The following TNC variants were observed in gnomAD, a reference collection of about 807,000 sequenced individuals.
TNC encodes tenascin C.
In TNC, 109 loss-of-function variants were observed where a neutral mutation model predicts 202.4. That is an observed-to-expected ratio of 0.54 (90% CI 0.46 to 0.63). The LOEUF is 0.63. TNC is among the 30% of genes least tolerant of loss of function. The pLI, the probability that TNC is intolerant of heterozygous loss-of-function variation, is 0.00. For synonymous variants in TNC, 1,007 were observed against 1,089.7 expected, an observed-to-expected ratio of 0.92 and a Z score of 1.50; for missense variants, 2,756 against 2,833.3, an observed-to-expected ratio of 0.97 and a Z score of 0.62.
chr9:115,111,354 A>G (rs891192646), intron 1 of TNC, among the ~76,000 whole-genome samples: 1 of 148,566 alleles, frequency 6.7e-6, no homozygotes, highest in Non-Finnish European at 1.5e-5. Context: ...TAGGTTACAC[A>G]GGATTGTGAT....
chr9:115,027,951 C>T (rs1829640389), intron 25 of TNC, among the ~76,000 whole-genome samples: 1 of 152,096 alleles, frequency 6.6e-6, no homozygotes, highest in African/African-American at 2.4e-5. Context: ...GACAAAAACC[C>T]CTTAACTGAG....
chr9:115,062,542 G>A (rs899728576), intron 13 of TNC, among the ~76,000 whole-genome samples: 28 of 151,138 alleles, frequency 1.9e-4, no homozygotes, highest in African/African-American at 5.6e-4. Flanking sequence ...CTAGGAGTTC[G>A]AGGCTGCAGT....
chr9:115,091,123 G>A lies in TNC; in HGVS notation c.-105C>T. The stretch of plus-strand genomic sequence containing the variant: ...GAAGCACAGAGTAGACTTCAAATCA[G>A]TTGTCCCTGATCTTCTTGAAAGAAT... On this transcript the variant is annotated 5_prime_UTR_variant, in exon 2 of 28. Transcript: ENST00000350763. 1 of 860,098 alleles carries A rather than the reference G, an allele frequency of 1.2e-6. No individual in the cohort carries two copies. Among genetic ancestry groups the A allele is most frequent in the Non-Finnish European group, 1.8e-6 (1 of 564,416 alleles). 53.3% of individuals were successfully genotyped at this position (860,098 alleles called of 1,614,324 possible). A position where few individuals can be genotyped will look rare whatever the true frequency, so the allele number is the denominator to read the frequency against.
chr9:115,058,270 G>C (rs1537011), intron 14 of TNC, among the ~76,000 whole-genome samples: 20,749 of 152,180 alleles, frequency 0.14, 1,505 homozygotes, highest in Middle Eastern at 0.21. Flanking sequence ...AGCTAGTACT[G>C]TCTCTTTAGC....
chr9:115,022,568 G>A (rs573560739), intron 27 of TNC, among the ~76,000 whole-genome samples: 12 of 151,830 alleles, frequency 7.9e-5, no homozygotes, highest in Admixed American at 7.2e-4. Flanking sequence ...CATGTAGCTT[G>A]TTGGTTTTTT....
intron 15 of TNC, among the ~76,000 whole-genome samples, chr9:115,055,091 C>T (rs771454493): frequency 5.9e-5 from 9 of 151,858 alleles, no homozygotes. Context: ...ATGGCATGCA[C>T]ATACCTCTTT....
At chr9:115,027,362 G>A (rs1428174705) in intron 25 of TNC, among the ~76,000 whole-genome samples, 1 of 151,694 alleles carries the variant, frequency 6.6e-6, no homozygotes, top group Non-Finnish European at 1.5e-5. Flanking sequence ...GGCCAAGGTG[G>A]GCGGATCATC....
At chr9:115,107,497 T>G (rs1836708898) in intron 1 of TNC, among the ~76,000 whole-genome samples, 1 of 152,204 alleles carries the variant, frequency 6.6e-6, no homozygotes, top group Admixed American at 6.5e-5. Flanking sequence ...TTATATACAT[T>G]TTTATGCCAA....
chr9:115,087,088 C>G lies in TNC; in HGVS notation c.643G>C (p.Asp215His), dbSNP rs1254839236. The change falls in exon 3 of 28, where the codon GAC (aspartate) becomes CAC (histidine). Residue 215 changes from aspartate (D) to histidine (H), a missense_variant. Around this residue, in one of 2 missense-constraint regions of TNC, gnomAD observed 2,559 missense variants for 2,546.0 expected, o/e 1.01. Coordinates refer to ENST00000350763, the MANE Select transcript of TNC (RefSeq NM_002160.4). ...CICDDGFTGE[D>H]CSQLACPSDC... ...CTGGGGCAAGCCAGCTGGCTGCAGT[C>G]CTCGCCCGTGAAGCCGTCGTCACAG... 3 of 1,614,112 alleles carry G rather than the reference C, an allele frequency of 1.9e-6. No individual in the cohort carries two copies. The highest frequency in any genetic ancestry group is 2.5e-6 in the Non-Finnish European group (3 of 1,180,052).
intron 1 of TNC, among the ~76,000 whole-genome samples, chr9:115,094,972 A>C (rs1334073414): frequency 6.6e-6 from 1 of 152,114 alleles, no homozygotes; most frequent in East Asian, 1.9e-4. Flanking sequence ...ATTGGTACCC[A>C]ATAGAAAGGT....
At chr9:115,026,117 A>T (rs756302558) in intron 26 of TNC, among the ~76,000 whole-genome samples, 4 of 152,228 alleles carry the variant, frequency 2.6e-5, no homozygotes, top group African/African-American at 4.8e-5. Flanking sequence ...CATCCCAGAC[A>T]ACCTGTGTCA....
chr9:115,075,567 A>T (rs549379815), intron 9 of TNC, among the ~76,000 whole-genome samples: 2 of 152,270 alleles, frequency 1.3e-5, no homozygotes, highest in East Asian at 3.9e-4. Flanking sequence ...TGGGCGGATC[A>T]TGAGGTCAAG....
At chr9:115,044,217 A>C (rs1013600643) in intron 17 of TNC, among the ~76,000 whole-genome samples, 4 of 151,480 alleles carry the variant, frequency 2.6e-5, no homozygotes, top group African/African-American at 7.3e-5. Context: ...TACAGAGAAG[A>C]GTTTACAATG....
rs1400698911 is a variant in TNC at position 115,022,252 on chromosome 9, T to C, written c.6496-985A>G. 2.0e-5 allele frequency among the ~76,000 whole-genome samples: 3 copies of C among 152,392 alleles called. No homozygotes were observed. The East Asian group carries it at 5.8e-4, about 29-fold the overall frequency. ...CAGGGATGTGAGGTTTAAGAATGGC[T>C]CATTCATTTCATGGGCAAATCCGCT... On this transcript the variant is annotated intron_variant, in intron 27 of 27. Transcript: ENST00000350763.
intron 1 of TNC, among the ~76,000 whole-genome samples, chr9:115,097,163 C>A (rs997862542): frequency 1.3e-5 from 2 of 152,108 alleles, no homozygotes; most frequent in Non-Finnish European, 1.5e-5. Flanking sequence ...AACCTGTGTT[C>A]GAATCCAGTT....
chr9:115,100,170 C>T (rs1018902305), intron 1 of TNC, among the ~76,000 whole-genome samples: 3 of 152,178 alleles, frequency 2.0e-5, no homozygotes, highest in Non-Finnish European at 2.9e-5. Context: ...TAACGGGAAA[C>T]ATTTGGCCCA....
chr9:115,057,274 G>A lies in TNC; in HGVS notation c.4458C>T (p.Ile1486=), dbSNP rs1028565421. ...TATGGGCAGTTCGTTCAGCACCAGA[G>A]ATATTATATTCCACAGTCTCCAGCA... The part of the protein sequence containing the change: ...NRLLETVEYN[I]SGAERTAHIS... The change falls in exon 15 of 28, where the codon ATC becomes ATT. Residue 1486 remains isoleucine (I), a synonymous_variant. Coordinates refer to ENST00000350763, the MANE Select transcript of TNC (RefSeq NM_002160.4). 5.0e-6 allele frequency: 8 copies of A among 1,614,030 alleles called. No homozygotes were observed. Among genetic ancestry groups the A allele is most frequent in the Non-Finnish European group, 5.9e-6 (7 of 1,180,034 alleles).
At chr9:115,107,321 T>C (rs1806837032) in intron 1 of TNC, among the ~76,000 whole-genome samples, 1 of 152,200 alleles carries the variant, frequency 6.6e-6, no homozygotes, top group Non-Finnish European at 1.5e-5. Flanking sequence ...CAAATGAGCA[T>C]GGCTGTGTTC....
intron 15 of TNC, among the ~76,000 whole-genome samples, chr9:115,051,592 A>G (rs926895610): frequency 2.0e-5 from 3 of 151,010 alleles, no homozygotes; most frequent in Non-Finnish European, 4.4e-5. Flanking sequence ...TAATCAAAAG[A>G]AAAAAAGGAG....
Sources: gnomAD v4.1 joint callset for allele counts (sites outside exome capture counted in the v4.1 genomes callset) on GRCh38, gnomAD v4.1.1 for gene constraint, gnomAD v4.1.1 regional missense constraint, MANE v1.5 for transcripts, NCBI Gene and HGNC (gene_info 2026-07-23, HGNC 2026-07-21) for gene names.